SVEP1: variants seen among roughly 807,000 people sequenced by gnomAD.
SVEP1 encodes the protein sushi, von Willebrand factor type A, EGF and pentraxin domain-containing protein 1.
SVEP1 carries 164 observed loss-of-function variants against 367.3 expected under a neutral mutation model. That is an observed-to-expected ratio of 0.45 (90% CI 0.39 to 0.51). SVEP1 has a LOEUF of 0.51. Ranked by LOEUF, SVEP1 falls within the 20% of genes least tolerant of loss-of-function variation. SVEP1 has a pLI of 0.00. For synonymous variants in SVEP1, 1,666 were observed against 1,611.6 expected (o/e 1.03, Z -0.81); for missense variants, 4,117 against 4,425.3 (o/e 0.93, Z 1.98).
intron 24 of SVEP1, among the ~76,000 whole-genome samples, 194 bp from the exon 25 acceptor site, chr9:110,447,251 G>A (rs1011256526): frequency 2.6e-5 from 4 of 152,202 alleles, no homozygotes; most frequent in Non-Finnish European, 4.4e-5. Flanking sequence ...TATTAGAAAT[G>A]TGCAGTAGCA....
Position 110,429,337 on chromosome 9 carries a change from A to G in SVEP1, c.5616-3T>C. The G allele has an allele frequency of 6.6e-7, 1 of 1,518,216 alleles. No individual in the cohort carries two copies. 94.0% of individuals were successfully genotyped at this position (1,518,216 alleles called of 1,614,324 possible). On this transcript the variant is annotated splice_polypyrimidine_tract_variant and splice_region_variant and intron_variant, in intron 34 of 47. Coordinates refer to ENST00000374469, the MANE Select transcript of SVEP1 (RefSeq NM_153366.4). The stretch of plus-strand genomic sequence containing the variant: ...CCAGAGTATATCCTTTATTACACCT[A>G]AAGAAGATAGAGGAAAATTACAGGA...
chr9:110,492,906 T>C (rs1315042480), intron 8 of SVEP1, among the ~76,000 whole-genome samples: 1 of 152,026 alleles, frequency 6.6e-6, no homozygotes. Context: ...TAGGGGCACA[T>C]ATGAATGTAG....
chr9:110,507,595 A>G (rs1184539656), intron 5 of SVEP1, among the ~76,000 whole-genome samples: 1 of 152,242 alleles, frequency 6.6e-6, no homozygotes, highest in Non-Finnish European at 1.5e-5. Context: ...GTCAAGTATT[A>G]ATAAAAAATG....
At chr9:110,553,473 T>C (rs1248327976) in intron 1 of SVEP1, among the ~76,000 whole-genome samples, 1 of 152,214 alleles carries the variant, frequency 6.6e-6, no homozygotes, top group Non-Finnish European at 1.5e-5. Flanking sequence ...GATGAAACCC[T>C]GTGATATCTT....
chr9:110,560,581 G>A (rs1034667628), intron 1 of SVEP1, among the ~76,000 whole-genome samples: 2 of 152,072 alleles, frequency 1.3e-5, no homozygotes, highest in Admixed American at 6.5e-5. Context: ...AACTTCCAAC[G>A]TGAAGTTCCA....
rs945041655 is a variant in SVEP1 at position 110,471,949 on chromosome 9, G to A, written c.2764+210C>T. On this transcript the variant is annotated intron_variant, in intron 15 of 47. Transcript: ENST00000374469. ...ACCTTAATCATGCCAAGATGAGAACGAAGTAGGGTGCTTTTCGCCGTGAGA... is the reference window on the plus strand; with the variant it reads ...ACCTTAATCATGCCAAGATGAGAACAAAGTAGGGTGCTTTTCGCCGTGAGA... Among the ~76,000 whole-genome samples, 5 of 152,052 alleles carry A rather than the reference G, an allele frequency of 3.3e-5. No individual in the cohort carries two copies. In the South Asian group the frequency reaches 6.2e-4, roughly 19 times the overall value.
chr9:110,423,259 C>T (rs1264266152), intron 36 of SVEP1, among the ~76,000 whole-genome samples: 4 of 148,274 alleles, frequency 2.7e-5, no homozygotes, highest in African/African-American at 9.9e-5. Flanking sequence ...GGGCAAAATA[C>T]TATTAGTTTC....
At position 110,429,227 on chromosome 9, in the gene SVEP1, G is replaced by A. The variant is rs146263719; in HGVS notation, c.5723C>T (p.Pro1908Leu). Reference sequence around the variant, plus strand: ...ATATTTTCCATTATTTATATTTTCCGGACTAGAACACTTCACTGGTTCACA... The same window carrying A: ...ATATTTTCCATTATTTATATTTTCCAGACTAGAACACTTCACTGGTTCACA... ...PVCEPVKCSS[P>L]ENINNGKYIL... Residue 1908 changes from proline to leucine, a missense_variant, in exon 35 of 48, where the codon CCG becomes CTG. By Grantham distance (98) the Pro-to-Leu change is moderately conservative. This residue lies in a region of SVEP1 where 2,174 missense variants were observed against 2,494.3 expected (regional missense o/e 0.87). Coordinates refer to ENST00000374469, the MANE Select transcript of SVEP1 (RefSeq NM_153366.4). The A allele has an allele frequency of 4.1e-4, 658 of 1,595,222 alleles. 3 individuals are homozygous for A. In the African/African-American group the frequency reaches 6.9e-3, roughly 17 times the overall value.
Position 110,431,902 on chromosome 9 carries a change from A to C in SVEP1, c.5353+13T>G. ...TGGAATTAGGAACTTTTAGTTCTAC[A>C]TATATTGGTTACCTGCACAGTTTTT... On this transcript the variant is annotated intron_variant, in intron 32 of 47. Transcript: ENST00000374469. 2 of 1,613,386 alleles carry C rather than the reference A, an allele frequency of 1.2e-6. No individual in the cohort carries two copies. The highest frequency in any genetic ancestry group is 1.7e-6 in the Non-Finnish European group (2 of 1,179,520).
At chr9:110,437,706 T>C (rs142031058) in intron 27 of SVEP1, among the ~76,000 whole-genome samples, 37 of 152,152 alleles carry the variant, frequency 2.4e-4, no homozygotes, top group African/African-American at 7.2e-4. Context: ...ACTTCTTTAG[T>C]GGTGATTTCT....
intron 1 of SVEP1, among the ~76,000 whole-genome samples, chr9:110,561,889 A>G (rs149616831): frequency 1.3e-5 from 2 of 152,300 alleles, no homozygotes; most frequent in East Asian, 3.9e-4. Context: ...AGAAAGAAAG[A>G]AAAAGGTTGG....
chr9:110,404,669 TTGTTGCACAATCAA>T, intron 38 of SVEP1, 117 bp from the exon 39 acceptor site: 3 of 913,942 alleles, frequency 3.3e-6, no homozygotes, highest in Non-Finnish European at 5.2e-6. Flanking sequence ...AACATATTGA[TTGTTGCACAATCAA>T]TATGTCAGGC....
rs138216144 is a variant in SVEP1, at chr9:110,446,540, G to A, written c.4261+360C>T. ...CAGCTAAAAGACTCCAGTCTCCTGA[G>A]AAAGTATTTAGATTTGATCTGCTGA... On this transcript the variant is annotated intron_variant, in intron 25 of 47. Transcript: ENST00000374469. Among the ~76,000 whole-genome samples, 577 of 152,354 alleles carry A rather than the reference G, an allele frequency of 3.8e-3. 2 individuals are homozygous for A. Among genetic ancestry groups the A allele is most frequent in the Non-Finnish European group, 6.6e-3 (448 of 68,028 alleles).
chr9:110,454,369 G>A (rs1056729513), intron 22 of SVEP1, among the ~76,000 whole-genome samples: 11 of 152,140 alleles, frequency 7.2e-5, no homozygotes, highest in Non-Finnish European at 1.5e-4. Flanking sequence ...TTTAATCCAA[G>A]TTAATTTTTG....
rs1311796643 is a variant in SVEP1 at position 110,387,270 on chromosome 9, A to G, written c.10060+15T>C. Reference sequence around the variant, plus strand: ...ACTGAATCTGATTAAAATTTCTCCTAAAGGCAACACACACGTTTGCAGAGA... The same window carrying G: ...ACTGAATCTGATTAAAATTTCTCCTGAAGGCAACACACACGTTTGCAGAGA... On this transcript the variant is annotated intron_variant, in intron 42 of 47. Transcript: ENST00000374469. The G allele has an allele frequency of 1.2e-5, 19 of 1,560,222 alleles. No individual in the cohort carries two copies. The highest frequency in any genetic ancestry group is 1.5e-5 in the Non-Finnish European group (17 of 1,160,988).
At chr9:110,484,417 G>T (rs1247693619) in intron 9 of SVEP1, among the ~76,000 whole-genome samples, 1 of 152,168 alleles carries the variant, frequency 6.6e-6, no homozygotes, top group East Asian at 1.9e-4. Context: ...GTGAGGTGGG[G>T]TGAGTGAGCC....
chr9:110,389,548 T>A lies in SVEP1; in HGVS notation c.9862A>T (p.Ser3288Cys). ...CCTTTGCATATTGCCACCCCTCCAC[T>A]CCACTGTCTGTTCTCCTGGCAGACA... ...ERVCQENRQW[S>C]GGVAICKETR... The change falls in exon 41 of 48, where the codon AGT becomes TGT. Residue 3288 changes from serine (S) to cysteine (C), a missense_variant. Physicochemically the swap from Ser to Cys is moderately radical, Grantham distance 112 (BLOSUM62 -1). Around this residue, in one of 4 missense-constraint regions of SVEP1, gnomAD observed 1,765 missense variants for 1,781.1 expected, o/e 0.99. Coordinates refer to ENST00000374469, the MANE Select transcript of SVEP1 (RefSeq NM_153366.4). The A allele has an allele frequency of 6.2e-7, 1 of 1,613,752 alleles. No individual in the cohort carries two copies. The highest frequency in any genetic ancestry group is 1.1e-5 in the South Asian group (1 of 91,066).
rs1828035364 is a variant in SVEP1, at chr9:110,410,994, G to GT, written c.6648+68dup. ...TGGCAGTGTTTGGACTCAATTATTT[G>GT]TTTTGTTTATTTATTTATTATGGGC... On this transcript the variant is annotated intron_variant, in intron 37 of 47. Coordinates refer to ENST00000374469, the MANE Select transcript of SVEP1 (RefSeq NM_153366.4). The GT allele has an allele frequency of 2.1e-6, 3 of 1,405,332 alleles. No individual in the cohort carries two copies. The South Asian group carries it at 4.8e-5, about 22-fold the overall frequency. The allele number at this position is 1,405,332 out of a possible 1,614,324, so 87.1% of individuals were successfully genotyped here.
chr9:110,402,200 A>T (rs2118995648), intron 39 of SVEP1, among the ~76,000 whole-genome samples: 1 of 151,954 alleles, frequency 6.6e-6, no homozygotes, highest in Non-Finnish European at 1.5e-5. Context: ...ACTTGTGATG[A>T]CTCCTTTATC....
Sources: gnomAD v4.1 joint callset for allele counts (sites outside exome capture counted in the v4.1 genomes callset) on GRCh38, gnomAD v4.1.1 for gene constraint, gnomAD v4.1.1 regional missense constraint, MANE v1.5 for transcripts, NCBI Gene and HGNC (gene_info 2026-07-23, HGNC 2026-07-21) for gene names.